Variants in SPON2 observed in about 807,000 individuals in gnomAD.
SPON2 encodes spondin-2.
SPON2 carries 32 observed loss-of-function variants against 29.9 expected under a neutral mutation model. That is an observed-to-expected ratio of 1.07 (90% confidence interval 0.81 to 1.44). SPON2 has a LOEUF of 1.44. Among genes scored for constraint, SPON2 ranks in the 40% most tolerant of loss-of-function variants. The pLI, the probability that SPON2 is intolerant of heterozygous loss-of-function variation, is 0.00. For synonymous variants in SPON2, 248 were observed against 209.1 expected (o/e 1.19, Z -1.61); for missense variants, 541 against 455.5 (o/e 1.19, Z -1.71).
chr4:1,170,759 G>T (rs115650530), intron 4 of SPON2, 183 bp from the exon 5 acceptor site: 1 of 988,726 alleles, frequency 1.0e-6, no homozygotes, highest in Non-Finnish European at 1.6e-6. Context: ...AGGCCAGGAA[G>T]GGGCAGCCTC....
intron 1 of SPON2, among the ~76,000 whole-genome samples, chr4:1,193,059 G>A (rs565679970): frequency 5.9e-5 from 9 of 152,252 alleles, no homozygotes; most frequent in South Asian, 2.1e-4. Context: ...CCACACACAC[G>A]TGCACACACT....
In SPON2 at chr4:1,202,264, G is replaced by A. The variant is rs537159968; in HGVS notation, c.-234+5616C>T. On this transcript the variant is annotated intron_variant, in intron 1 of 3. Coordinates refer to the SPON2 transcript ENST00000509233. This position sits in a 1 kb window ranked among gnomAD's most constrained non-coding sequence, Gnocchi z 5.4. ...GCTGGAGGGTGGGTCTGCCCCACAA[G>A]CCCTTTTCATGGTGGCTTTAGTCAC... Among the ~76,000 whole-genome samples the A allele has an allele frequency of 2.6e-5, 4 of 152,214 alleles. No individual in the cohort carries two copies. In the South Asian group the frequency reaches 8.3e-4, roughly 31 times the overall value.
intron 1 of SPON2, among the ~76,000 whole-genome samples, chr4:1,200,353 G>C: frequency 6.6e-6 from 1 of 152,256 alleles, no homozygotes; most frequent in East Asian, 1.9e-4. Context: ...AGCTTCAGGG[G>C]TGAGCAGGGT....
intron 1 of SPON2, among the ~76,000 whole-genome samples, chr4:1,181,946 TA>T (rs1727708119): frequency 1.3e-5 from 2 of 152,160 alleles, no homozygotes; most frequent in African/African-American, 4.8e-5. Flanking sequence ...CATTAAAGAC[TA>T]GGACATTCAA....
intron 4 of SPON2, 175 bp downstream of exon 4, chr4:1,170,824 G>C: frequency 1.9e-6 from 2 of 1,037,358 alleles, no homozygotes; most frequent in Non-Finnish European, 2.9e-6. Flanking sequence ...CGGGTTGGGA[G>C]AGTATGGGAG....
intron 1 of SPON2, among the ~76,000 whole-genome samples, chr4:1,189,852 G>A (rs1727877136): frequency 6.6e-6 from 1 of 151,532 alleles, no homozygotes; most frequent in African/African-American, 2.4e-5. Flanking sequence ...AGCCGGGCAT[G>A]GTGGCACCCA....
intron 1 of SPON2, among the ~76,000 whole-genome samples, chr4:1,206,367 G>A (rs1008773333): frequency 2.0e-5 from 3 of 152,252 alleles, no homozygotes; most frequent in African/African-American, 7.2e-5. Context: ...AGGGGCTGGC[G>A]GTTGTCAGCC....
At chr4:1,167,680 G>A in intron 5 of SPON2, 24 bp from the exon 6 acceptor site, 5 of 1,559,582 alleles carry the variant, frequency 3.2e-6, no homozygotes, top group Middle Eastern at 1.7e-4. Context: ...AGGGGAGACC[G>A]AGGTGAACGC....
At chr4:1,186,098 G>T (rs1727795852) in intron 1 of SPON2, among the ~76,000 whole-genome samples, 2 of 148,058 alleles carry the variant, frequency 1.4e-5, no homozygotes, top group South Asian at 2.2e-4. Context: ...CAAAAAATTA[G>T]CCGGGCGTGG....
intron 4 of SPON2, 168 bp downstream of exon 4, chr4:1,170,831 G>T: frequency 9.4e-7 from 1 of 1,069,230 alleles, no homozygotes; most frequent in Non-Finnish European, 1.4e-6. Flanking sequence ...GGAGAGTATG[G>T]GAGGGCTGCA....
At chr4:1,206,648 C>T (rs1015727618) in intron 1 of SPON2, among the ~76,000 whole-genome samples, 13 of 152,196 alleles carry the variant, frequency 8.5e-5, no homozygotes, top group African/African-American at 2.7e-4. Context: ...GGAGCCTCCC[C>T]AGGCTCAGCT....
intron 1 of SPON2, among the ~76,000 whole-genome samples, chr4:1,185,963 G>A (rs1727784297): frequency 6.6e-6 from 1 of 151,922 alleles, no homozygotes; most frequent in Non-Finnish European, 1.5e-5. Context: ...GGCAACATCT[G>A]GCCGGGCGTG....
At chr4:1,173,647 GA>G (rs1282830510), upstream of SPON2, among the ~76,000 whole-genome samples, 2 of 152,256 alleles carry the variant, frequency 1.3e-5, no homozygotes, top group African/African-American at 4.8e-5. Flanking sequence ...GAATCACCCA[GA>G]GGGCTTTTAA....
chr4:1,179,177 C>G (rs149708896), intron 2 of SPON2, among the ~76,000 whole-genome samples: 1 of 152,168 alleles, frequency 6.6e-6, no homozygotes, highest in African/African-American at 2.4e-5. Flanking sequence ...GGACCTTGCC[C>G]GGCTGCTTCA....
rs1305679854 is a variant in SPON2 at position 1,167,569 on chromosome 4, C to T, written c.899G>A (p.Ser300Asn). Residue 300 changes from serine to asparagine, a missense_variant, in exon 6 of 6, where the codon AGC becomes AAC. Ser to Asn is a conservative substitution (Grantham distance 46). Transcript: ENST00000290902. The stretch of plus-strand genomic sequence containing the variant: ...CTGGACCCGGACGTAGCGAGTCCTG[C>T]TCTTGGTCCCGAGCCTCCCACAGTG... The part of the protein sequence containing the change: ...GGHCGRLGTK[S>N]RTRYVRVQPA... 9 of 1,613,482 alleles carry T rather than the reference C, an allele frequency of 5.6e-6. No individual in the cohort carries two copies. Among genetic ancestry groups the T allele is most frequent in the Non-Finnish European group, 7.6e-6 (9 of 1,180,008 alleles).
intron 4 of SPON2, 157 bp downstream of exon 4, chr4:1,170,842 C>T (rs916056436): frequency 2.7e-6 from 3 of 1,121,910 alleles, no homozygotes; most frequent in African/African-American, 3.1e-5. Flanking sequence ...GAGGGCTGCA[C>T]CCCCTTGCTC....
At chr4:1,188,202 C>CAA (rs1164276990) in intron 1 of SPON2, among the ~76,000 whole-genome samples, 248 of 36,000 alleles carry the variant, frequency 6.9e-3, no homozygotes, top group Middle Eastern at 0.016. Flanking sequence ...GACTCCGTCT[C>CAA]AAAAAAAAAA....
At chr4:1,192,911 G>A (rs1727941118) in intron 1 of SPON2, among the ~76,000 whole-genome samples, 1 of 152,184 alleles carries the variant, frequency 6.6e-6, no homozygotes, top group Admixed American at 6.5e-5. Context: ...GCCAGGGAGG[G>A]GGCAGAGCTC....
upstream of SPON2, among the ~76,000 whole-genome samples, chr4:1,173,997 T>A (rs1430278155): frequency 6.6e-6 from 1 of 151,830 alleles, no homozygotes; most frequent in Admixed American, 6.6e-5. Flanking sequence ...GCCCAGAGTT[T>A]GATACCAGCC....
Sources: allele counts gnomAD v4.1 joint callset (sites outside exome capture counted in the v4.1 genomes callset), GRCh38; gene constraint gnomAD v4.1.1; non-coding constraint Gnocchi (gnomAD v3.1); transcripts MANE v1.5; gene names NCBI Gene and HGNC (gene_info 2026-07-23, HGNC 2026-07-21).